LHFPL6: variants seen among roughly 807,000 people sequenced by gnomAD.
LHFPL6 encodes LHFPL tetraspan subfamily member 6 protein.
Under a neutral mutation model 20.6 loss-of-function variants are expected in LHFPL6, and 9 were observed. The ratio of observed to expected loss-of-function variants is 0.44; its 90% CI spans 0.26 to 0.76. The LOEUF (loss-of-function observed/expected upper bound fraction) is 0.76, where lower values mean the gene tolerates loss of function less well. Among genes scored for constraint, LHFPL6 ranks in the 30% least tolerant of loss-of-function variants. The pLI is 0.20. For synonymous variants in LHFPL6, 105 were observed against 98.7 expected (o/e 1.06, Z -0.38); for missense variants, 218 against 253.5 (o/e 0.86, Z 0.95).
At chr13:39,532,464 C>A (rs1870495548) in intron 2 of LHFPL6, among the ~76,000 whole-genome samples, 1 of 152,100 alleles carries the variant, frequency 6.6e-6, no homozygotes, top group Admixed American at 6.6e-5. Flanking sequence ...AAAAATGGTT[C>A]CCTATTAGAA....
At chr13:39,364,092 A>G (rs1261472830) in intron 3 of LHFPL6, among the ~76,000 whole-genome samples, 1 of 152,180 alleles carries the variant, frequency 6.6e-6, no homozygotes, top group Non-Finnish European at 1.5e-5. Context: ...ATCATTATGT[A>G]GTGCGTGACT....
chr13:39,426,691 T>A (rs1414700753), intron 2 of LHFPL6, among the ~76,000 whole-genome samples: 1 of 152,198 alleles, frequency 6.6e-6, no homozygotes, highest in Non-Finnish European at 1.5e-5. Context: ...CTGAATAATA[T>A]TCTATTGTAC....
chr13:39,595,305 T>C (rs1279311346), intron 2 of LHFPL6, among the ~76,000 whole-genome samples: 1 of 152,106 alleles, frequency 6.6e-6, no homozygotes, highest in Non-Finnish European at 1.5e-5. Context: ...TTCCTTTCTT[T>C]CCTTTTTTTT....
intron 2 of LHFPL6, among the ~76,000 whole-genome samples, chr13:39,422,602 A>AAG (rs67032774): frequency 0.41 from 46,639 of 112,648 alleles, 11,118 homozygotes; most frequent in Non-Finnish European, 0.53. Flanking sequence ...AAAAAAAAAA[A>AAG]AAGAAGAAGA....
intron 2 of LHFPL6, among the ~76,000 whole-genome samples, chr13:39,579,383 C>A (rs1290963821): frequency 6.6e-6 from 1 of 152,130 alleles, no homozygotes; most frequent in Non-Finnish European, 1.5e-5. Context: ...CAGGTCATGA[C>A]CCAGCAGGAC....
At chr13:39,445,865 G>A (rs1872272747) in intron 2 of LHFPL6, among the ~76,000 whole-genome samples, 1 of 152,062 alleles carries the variant, frequency 6.6e-6, no homozygotes, top group Non-Finnish European at 1.5e-5. Flanking sequence ...AAGTACCACA[G>A]AAGAGCTTTA....
intron 3 of LHFPL6, among the ~76,000 whole-genome samples, chr13:39,375,013 TAAC>T (rs904220568): frequency 1.8e-4 from 27 of 152,166 alleles, no homozygotes; most frequent in African/African-American, 6.5e-4. Flanking sequence ...GATCAGAGAG[TAAC>T]AACATATCAA....
rs899928184 is a variant in LHFPL6 at position 39,365,574 on chromosome 13, A to G, written c.484+12854T>C. 3.3e-5 allele frequency among the ~76,000 whole-genome samples: 5 copies of G among 152,176 alleles called. No individual in the cohort carries two copies. In the East Asian group the frequency reaches 9.6e-4, roughly 29 times the overall value. ...GCAAGACGTGGTAAGATACTCTTCCACAATCTCATTTCCAACTTATAATGA... is the reference window on the plus strand; with the variant it reads ...GCAAGACGTGGTAAGATACTCTTCCGCAATCTCATTTCCAACTTATAATGA... On this transcript the variant is annotated intron_variant, in intron 3 of 3. Coordinates refer to ENST00000379589, the MANE Select transcript of LHFPL6 (RefSeq NM_005780.3).
At chr13:39,537,155 G>T (rs1047485242) in intron 2 of LHFPL6, among the ~76,000 whole-genome samples, 1 of 152,060 alleles carries the variant, frequency 6.6e-6, no homozygotes, top group African/African-American at 2.4e-5. Flanking sequence ...TCACTCTAGC[G>T]CTCCTCTTGC....
intron 3 of LHFPL6, among the ~76,000 whole-genome samples, chr13:39,360,010 A>ATTTTGTTTTG (rs562549417): frequency 6.6e-6 from 1 of 151,336 alleles, no homozygotes; most frequent in Non-Finnish European, 1.5e-5. Flanking sequence ...AGGAGACAGG[A>ATTTTGTTTTG]TTTTGTTTTG....
At chr13:39,532,644 A>G (rs1382849000) in intron 2 of LHFPL6, among the ~76,000 whole-genome samples, 1 of 152,214 alleles carries the variant, frequency 6.6e-6, no homozygotes, top group Non-Finnish European at 1.5e-5. Flanking sequence ...CAATCAAAAT[A>G]GATGAGATAT....
At chr13:39,542,514 A>G (rs1870843256) in intron 2 of LHFPL6, among the ~76,000 whole-genome samples, 1 of 152,180 alleles carries the variant, frequency 6.6e-6, no homozygotes, top group Non-Finnish European at 1.5e-5. Flanking sequence ...TCATCGCTCC[A>G]CTGTGCCTCT....
intron 2 of LHFPL6, among the ~76,000 whole-genome samples, chr13:39,581,533 A>C (rs1369708341): frequency 2.2e-5 from 1 of 46,320 alleles, no homozygotes; most frequent in African/African-American, 6.3e-5. Flanking sequence ...TGCATGAGAC[A>C]AAAAAAAAAA....
At chr13:39,493,720 C>A (rs9548783) in intron 2 of LHFPL6, among the ~76,000 whole-genome samples, 1 of 152,152 alleles carries the variant, frequency 6.6e-6, no homozygotes, top group Non-Finnish European at 1.5e-5. Flanking sequence ...CTATAATAGA[C>A]GCAATTTTCT....
intron 2 of LHFPL6, among the ~76,000 whole-genome samples, chr13:39,437,036 G>T (rs1183339779): frequency 6.6e-6 from 1 of 152,184 alleles, no homozygotes; most frequent in Non-Finnish European, 1.5e-5. Flanking sequence ...AAATTTTACA[G>T]ACTTATTATA....
chr13:39,391,961 G>GT (rs1870718425), intron 2 of LHFPL6, among the ~76,000 whole-genome samples: 1 of 152,048 alleles, frequency 6.6e-6, no homozygotes, highest in Non-Finnish European at 1.5e-5. Context: ...TTTCCTTTCC[G>GT]TTTTCTTTCT....
intron 2 of LHFPL6, among the ~76,000 whole-genome samples, chr13:39,437,430 T>C (rs1871991913): frequency 6.6e-6 from 1 of 152,184 alleles, no homozygotes; most frequent in Admixed American, 6.5e-5. Flanking sequence ...TCTTTTCCTC[T>C]TGCTTTGGCT....
At chr13:39,420,426 A>T (rs1206602373) in intron 2 of LHFPL6, among the ~76,000 whole-genome samples, 5 of 152,336 alleles carry the variant, frequency 3.3e-5, no homozygotes, top group African/African-American at 1.2e-4. Context: ...ACTGTTCTAA[A>T]AGAAGCAAAC....
At chr13:39,425,467 T>C (rs980188456) in intron 2 of LHFPL6, among the ~76,000 whole-genome samples, 2 of 152,206 alleles carry the variant, frequency 1.3e-5, no homozygotes, top group Non-Finnish European at 2.9e-5. Flanking sequence ...ACAGTAAGTG[T>C]TTAACTTTTG....
Sources: allele counts gnomAD v4.1 joint callset (sites outside exome capture counted in the v4.1 genomes callset), GRCh38; gene constraint gnomAD v4.1.1; transcripts MANE v1.5; gene names NCBI Gene and HGNC (gene_info 2026-07-23, HGNC 2026-07-21).